The following RORA variants were observed in gnomAD, a reference collection of about 807,000 sequenced individuals.
The protein encoded by RORA is nuclear receptor ROR-alpha.
A neutral mutation model predicts 69.5 loss-of-function variants in RORA; 7 were observed. That is an observed-to-expected ratio of 0.10 (90% CI 0.06 to 0.19). The LOEUF (loss-of-function observed/expected upper bound fraction) is 0.19. Ranked by LOEUF, RORA falls within the 10% of genes least tolerant of loss-of-function variation. The pLI is 1.00. For synonymous variants in RORA, 261 were observed against 240.8 expected, an observed-to-expected ratio of 1.08 and a Z score of -0.78; for missense variants, 457 against 663.0, an observed-to-expected ratio of 0.69 and a Z score of 3.41.
At chr15:60,552,048 C>T (rs774618423) in intron 2 of RORA, among the ~76,000 whole-genome samples, 2 of 152,156 alleles carry the variant, frequency 1.3e-5, no homozygotes, top group Non-Finnish European at 2.9e-5. Flanking sequence ...CAGGATCCTT[C>T]GTGGTTCACA....
Position 61,218,674 on chromosome 15 carries a change from T to TCACACACACACACA in RORA, c.166+10365_166+10378dup, listed in dbSNP as rs3054672. Among the ~76,000 whole-genome samples the TCACACACACACACA allele has an allele frequency of 2.3e-3, 324 of 142,936 alleles. 2 individuals carry two copies. Among genetic ancestry groups the TCACACACACACACA allele is most frequent in the Middle Eastern group, 3.5e-3 (1 of 286 alleles). The allele number at this position is 142,936 out of a possible 152,430, so 93.8% of individuals were successfully genotyped here. A position where few individuals can be genotyped will look rare whatever the true frequency, so the allele number is the denominator to read the frequency against. On this transcript the variant is annotated intron_variant, in intron 1 of 10. Coordinates refer to ENST00000335670, the MANE Select transcript of RORA (RefSeq NM_134261.3). ...GTCCAAGTTAATTTACTAATATAAC[T>TCACACACACACACA]CACACACACACACACACACACACAC...
intron 1 of RORA, among the ~76,000 whole-genome samples, chr15:61,043,520 T>C (rs1049612033): frequency 1.3e-5 from 2 of 152,246 alleles, no homozygotes; most frequent in Non-Finnish European, 2.9e-5. Context: ...AATGTATTAC[T>C]CTAATAGAGT....
At chr15:61,080,983 G>A (rs979294666) in intron 1 of RORA, among the ~76,000 whole-genome samples, 1 of 152,202 alleles carries the variant, frequency 6.6e-6, no homozygotes, top group Non-Finnish European at 1.5e-5. Flanking sequence ...TCTGGCCGGT[G>A]CCTCTCCCTC....
At chr15:61,180,483 T>C (rs1401017610) in intron 1 of RORA, among the ~76,000 whole-genome samples, 1 of 152,220 alleles carries the variant, frequency 6.6e-6, no homozygotes, top group Non-Finnish European at 1.5e-5. Flanking sequence ...CCTTGCTGTG[T>C]TCTGCGGCCA....
chr15:61,181,657 T>C (rs1484782346), intron 1 of RORA, among the ~76,000 whole-genome samples: 2 of 120,698 alleles, frequency 1.7e-5, no homozygotes, highest in Non-Finnish European at 3.4e-5. Flanking sequence ...GAAAAAAAAG[T>C]GTATGCCTAG....
intron 1 of RORA, among the ~76,000 whole-genome samples, chr15:61,003,243 G>A (rs773931614): frequency 1.3e-5 from 2 of 152,006 alleles, no homozygotes; most frequent in Admixed American, 6.6e-5. Context: ...AGTTTAAAAC[G>A]AAAAGTAGTT....
chr15:60,603,537 G>C (rs1461398568), intron 2 of RORA, among the ~76,000 whole-genome samples: 3 of 152,222 alleles, frequency 2.0e-5, no homozygotes, highest in African/African-American at 7.2e-5. Flanking sequence ...ATTCGTCCTA[G>C]AGGAAATAGA....
At position 60,889,139 on chromosome 15, in the gene RORA, T is replaced by C. The variant is rs1012395618; in HGVS notation, c.167-210453A>G. Among the ~76,000 whole-genome samples the C allele has an allele frequency of 2.6e-5, 4 of 152,322 alleles. No homozygotes were observed. The East Asian group carries it at 7.7e-4, about 29-fold the overall frequency. ...CCATGTCGCACACTTATGCTGTGTT[T>C]ACCCCACCATTATCCTGGCTGCAGC... On this transcript the variant is annotated intron_variant, in intron 1 of 10. Coordinates refer to ENST00000335670, the MANE Select transcript of RORA (RefSeq NM_134261.3).
chr15:60,628,292 A>G (rs575973177), intron 2 of RORA, among the ~76,000 whole-genome samples: 1 of 152,182 alleles, frequency 6.6e-6, no homozygotes, highest in Non-Finnish European at 1.5e-5. Context: ...AGTACTGGTC[A>G]GCAGTGTTGT....
chr15:60,826,534 C>G (rs2072960142), intron 1 of RORA, among the ~76,000 whole-genome samples: 1 of 152,182 alleles, frequency 6.6e-6, no homozygotes, highest in Non-Finnish European at 1.5e-5. Context: ...CTAGGCGCTA[C>G]ACTTTTTTTA....
intron 1 of RORA, among the ~76,000 whole-genome samples, chr15:61,208,375 G>C (rs2140934318): frequency 1.3e-5 from 2 of 152,262 alleles, no homozygotes; most frequent in South Asian, 4.2e-4. Flanking sequence ...AGAGAAAACA[G>C]ATTAATGGCT....
In RORA at chr15:60,763,065, A is replaced by ATTTTTTTTTTTTTTTTTTT. The variant is rs374433414; in HGVS notation, c.167-84398_167-84380dup. Among the ~76,000 whole-genome samples the ATTTTTTTTTTTTTTTTTTT allele has an allele frequency of 2.4e-3, 117 of 48,372 alleles. 13 individuals are homozygous for ATTTTTTTTTTTTTTTTTTT. Among genetic ancestry groups the ATTTTTTTTTTTTTTTTTTT allele is most frequent in the East Asian group, 4.1e-3 (6 of 1,446 alleles). The allele number at this position is 48,372 out of a possible 152,430, so 31.7% of individuals were successfully genotyped here. On this transcript the variant is annotated intron_variant, in intron 1 of 10. Coordinates refer to ENST00000335670, the MANE Select transcript of RORA (RefSeq NM_134261.3). Reference sequence around the variant, plus strand: ...AAAGTACTGTTTCCAATATGCACAGATTTTTTTTTTTTTTTTTTTTTTTTT... The same window carrying ATTTTTTTTTTTTTTTTTTT: ...AAAGTACTGTTTCCAATATGCACAGATTTTTTTTTTTTTTTTTTTTTTTTTTTTTTTTTTTTTTTTTTTT...
At chr15:60,546,565 G>A (rs1189285846) in intron 2 of RORA, 1 of 152,066 alleles carries the variant, frequency 6.6e-6, no homozygotes, top group Non-Finnish European at 1.5e-5. Flanking sequence ...TTAAAAAAAT[G>A]GGATTTTAAT....
At chr15:60,593,662 CAG>C (rs2068602887) in intron 2 of RORA, among the ~76,000 whole-genome samples, 1 of 152,160 alleles carries the variant, frequency 6.6e-6, no homozygotes, top group Non-Finnish European at 1.5e-5. Flanking sequence ...CCGAGCATAA[CAG>C]AAAAAAATTC....
At chr15:61,090,117 T>G (rs1485099900) in intron 1 of RORA, among the ~76,000 whole-genome samples, 6 of 152,326 alleles carry the variant, frequency 3.9e-5, no homozygotes, top group Admixed American at 1.3e-4. Context: ...CAGAGAAGGA[T>G]GCAAGAGTTT....
At chr15:60,719,023 TTG>T (rs1187820212) in intron 1 of RORA, among the ~76,000 whole-genome samples, 3 of 137,052 alleles carry the variant, frequency 2.2e-5, no homozygotes, top group South Asian at 2.4e-4. Context: ...TCAATCAGCT[TTG>T]TGTGTGTGTG....
intron 2 of RORA, among the ~76,000 whole-genome samples, chr15:60,585,579 TGAC>T (rs1039689210): frequency 2.6e-5 from 4 of 152,202 alleles, no homozygotes; most frequent in African/African-American, 7.2e-5. Flanking sequence ...GCTCATCAAA[TGAC>T]GACCTCTTTT....
chr15:60,585,675 T>G (rs781663170), intron 2 of RORA, among the ~76,000 whole-genome samples: 1 of 152,202 alleles, frequency 6.6e-6, no homozygotes, highest in Non-Finnish European at 1.5e-5. Context: ...TCATAACAAT[T>G]GTTGACTCAC....
chr15:60,898,527 A>ATAAC (rs1471864690), intron 1 of RORA, among the ~76,000 whole-genome samples: 6 of 150,990 alleles, frequency 4.0e-5, no homozygotes, highest in Non-Finnish European at 3.0e-5. Context: ...AAATAAATAA[A>ATAAC]TAAATAAATA....
Sources: allele counts gnomAD v4.1 joint callset (sites outside exome capture counted in the v4.1 genomes callset), GRCh38; gene constraint gnomAD v4.1.1; transcripts MANE v1.5; gene names NCBI Gene and HGNC (gene_info 2026-07-23, HGNC 2026-07-21).